The following ZNF665 variants were observed in gnomAD, a reference collection of about 807,000 sequenced individuals.
ZNF665 encodes zinc finger protein 665.
A neutral mutation model predicts 7.9 loss-of-function variants in ZNF665; 6 were observed. The ratio of observed to expected loss-of-function variants is 0.76; its 90% CI spans 0.42 to 1.50. ZNF665 has a LOEUF of 1.50. Among genes scored for constraint, ZNF665 ranks in the 40% most tolerant of loss-of-function variants. The probability of loss-of-function intolerance (pLI) is 0.01; values close to 1 mark genes in which losing one functional copy is unlikely to be tolerated. For synonymous variants in ZNF665, 242 were observed against 274.5 expected, an observed-to-expected ratio of 0.88 and a Z score of 1.17; for missense variants, 819 against 806.7, an observed-to-expected ratio of 1.02 and a Z score of -0.18.
chr19:53,174,832 G>A (rs578102519), intron 3 of ZNF665, among the ~76,000 whole-genome samples: 7 of 151,932 alleles, frequency 4.6e-5, no homozygotes, highest in South Asian at 2.1e-4. Flanking sequence ...CCAGCTACTC[G>A]GGAGGCTGAG....
intron 1 of ZNF665, among the ~76,000 whole-genome samples, chr19:53,193,064 A>AGCAGGAAACGGC (rs1451488454): frequency 6.6e-6 from 1 of 152,138 alleles, no homozygotes; most frequent in Non-Finnish European, 1.5e-5. Flanking sequence ...AAGGGTTTTA[A>AGCAGGAAACGGC]GCAGGAAACG....
At chr19:53,185,245 ACGCTACCGCTAGACCACGGTC>A (rs1323982832) in intron 1 of ZNF665, among the ~76,000 whole-genome samples, 5 of 151,932 alleles carry the variant, frequency 3.3e-5, no homozygotes, top group Admixed American at 6.5e-5. Context: ...CTTGCCACTT[ACGCTACCGCTAGACCACGGTC>A]CGCTTGGCAA....
At chr19:53,176,923 G>A (rs1365118615) in intron 2 of ZNF665, among the ~76,000 whole-genome samples, 1 of 151,524 alleles carries the variant, frequency 6.6e-6, no homozygotes, top group Admixed American at 6.6e-5. Flanking sequence ...AGTTCGAGAC[G>A]AGCCTGGCCA....
intron 1 of ZNF665, among the ~76,000 whole-genome samples, chr19:53,191,558 T>C (rs1479807915): frequency 6.6e-6 from 1 of 152,194 alleles, no homozygotes; most frequent in Non-Finnish European, 1.5e-5. Context: ...GTTAGATTAT[T>C]AGGGGCTGGG....
chr19:53,167,203 G>A (rs2090621728), intron 3 of ZNF665, among the ~76,000 whole-genome samples: 3 of 151,932 alleles, frequency 2.0e-5, no homozygotes, highest in South Asian at 2.1e-4. Flanking sequence ...GTTTCTCCAT[G>A]TTGGTCAGGC....
chr19:53,186,789 GCGCCCC>G (rs1281975588), intron 1 of ZNF665, among the ~76,000 whole-genome samples: 10 of 10,326 alleles, frequency 9.7e-4, no homozygotes, highest in African/African-American at 1.7e-3. Flanking sequence ...CCGGGCAGAG[GCGCCCC>G]TCACCTCCCG....
At chr19:53,180,979 ATACT>A (rs2090733864) in intron 2 of ZNF665, 1 of 152,194 alleles carries the variant, frequency 6.6e-6, no homozygotes, top group Non-Finnish European at 1.5e-5. Flanking sequence ...TATTGCAACA[ATACT>A]TACTCAAAGA....
rs188897253 is a variant in ZNF665, at chr19:53,179,156, G to A, written c.16-3585C>T. Reference sequence around the variant, plus strand: ...TGGGAGGCCGAGGCGGGTGGATCACGAGGTCAGGAGATCGAGACCATCCTG... The same window carrying A: ...TGGGAGGCCGAGGCGGGTGGATCACAAGGTCAGGAGATCGAGACCATCCTG... On this transcript the variant is annotated intron_variant, in intron 2 of 3. Transcript: ENST00000396424. 4.0e-3 allele frequency among the ~76,000 whole-genome samples: 605 copies of A among 152,054 alleles called. 3 individuals are homozygous for A. Among genetic ancestry groups the A allele is most frequent in the African/African-American group, 0.013 (545 of 41,494 alleles).
intron 1 of ZNF665, among the ~76,000 whole-genome samples, 171 bp from the exon 2 acceptor site, chr19:53,183,114 G>T (rs1200870418): frequency 6.6e-6 from 1 of 152,104 alleles, no homozygotes; most frequent in African/African-American, 2.4e-5. Context: ...AAAGATGCAG[G>T]GATGAGAAAC....
At chr19:53,185,786 G>T (rs939299309) in intron 1 of ZNF665, among the ~76,000 whole-genome samples, 2 of 151,888 alleles carry the variant, frequency 1.3e-5, no homozygotes, top group Non-Finnish European at 2.9e-5. Flanking sequence ...TTAATGGTAT[G>T]TCCTTAAAGC....
chr19:53,164,949 T>C lies in ZNF665; in HGVS notation c.1541A>G (p.Tyr514Cys). ...GGCTTTGCCACACTCATTACACTTG[T>C]AAGGTTTTTCTCCAGTATGAACTCT... ...HWRVHTGEKPYKCNECGKAFS... is the reference protein window; with the variant it reads ...HWRVHTGEKPCKCNECGKAFS... Residue 514 changes from tyrosine (Y) to cysteine (C), a missense_variant, in exon 4 of 4, where the codon TAC becomes TGC. Physicochemically the swap from Tyr to Cys is radical, Grantham distance 194. Transcript: ENST00000396424. 6.2e-7 allele frequency: 1 copy of C among 1,614,188 alleles called. No homozygotes were observed. The highest frequency in any genetic ancestry group is 8.5e-7 in the Non-Finnish European group (1 of 1,180,036).
At chr19:53,180,397 C>T (rs937753847) in intron 2 of ZNF665, among the ~76,000 whole-genome samples, 2 of 151,622 alleles carry the variant, frequency 1.3e-5, no homozygotes, top group Non-Finnish European at 2.9e-5. Context: ...TGCGCCCCTT[C>T]ACTCCAGCCT....
rs751401382 is a variant in ZNF665 at position 53,165,951 on chromosome 19, C to T, written c.539G>A (p.Cys180Tyr). The change falls in exon 4 of 4, where the codon TGT becomes TAT. Residue 180 changes from cysteine to tyrosine, a missense_variant. Physicochemically the swap from Cys to Tyr is radical, Grantham distance 194 (BLOSUM62 -2). Coordinates refer to ENST00000396424, the MANE Select transcript of ZNF665 (RefSeq NM_024733.5). The stretch of plus-strand genomic sequence containing the variant: ...ACTGAAGACCTTGCCACATTCATCA[C>T]ATTTATAATGTTTTCCTCGATTATT... ...SPNNRGKHYK[C>Y]DECGKVFSQN... The T allele has an allele frequency of 2.4e-5, 39 of 1,613,884 alleles. No individual in the cohort carries two copies. The African/African-American group carries it at 4.3e-4, about 18-fold the overall frequency.
In ZNF665 at chr19:53,192,983, G is replaced by A. The variant is rs77581353; in HGVS notation, c.-46+329C>T. Among the ~76,000 whole-genome samples, 1,279 of 152,234 alleles carry A rather than the reference G, an allele frequency of 8.4e-3. 18 individuals are homozygous for A. Among genetic ancestry groups the A allele is most frequent in the Non-Finnish European group, 7.6e-3 (520 of 68,014 alleles). On this transcript the variant is annotated intron_variant, in intron 1 of 3. Coordinates refer to ENST00000396424, the MANE Select transcript of ZNF665 (RefSeq NM_024733.5). ...CGCTAACGCTCCAGTAGCTGACTAG[G>A]GCGAGGTTAGGGGACGGTAAAATCC... is the stretch of plus-strand genomic sequence containing the variant.
At chr19:53,170,830 T>G (rs921445527) in intron 3 of ZNF665, among the ~76,000 whole-genome samples, 1 of 152,176 alleles carries the variant, frequency 6.6e-6, no homozygotes, top group Non-Finnish European at 1.5e-5. Context: ...CTCCACTCAG[T>G]TGAAAATCTG....
chr19:53,169,107 A>C (rs1428472283), intron 3 of ZNF665, among the ~76,000 whole-genome samples: 1 of 152,150 alleles, frequency 6.6e-6, no homozygotes. Flanking sequence ...TTATAAAGAC[A>C]CACTGTTAAA....
intron 3 of ZNF665, among the ~76,000 whole-genome samples, chr19:53,170,930 A>G (rs1465900186): frequency 6.6e-6 from 1 of 152,174 alleles, no homozygotes; most frequent in Non-Finnish European, 1.5e-5. Context: ...GTCGATTAGA[A>G]TGTATCTTGT....
In ZNF665 at chr19:53,164,738, G is replaced by A; in HGVS notation, c.1752C>T (p.Asn584=). Residue 584 remains asparagine, a synonymous_variant, in exon 4 of 4, where the codon AAC becomes AAT. Coordinates refer to ENST00000396424, the MANE Select transcript of ZNF665 (RefSeq NM_024733.5). The part of the protein sequence containing the change: ...ECGKAFSVHS[N]LATHQVIHTG... ...TATGGATGACCTGATGGGTAGCTAG[G>A]TTTGAATGTACACTAAATGCTTTGC... is the stretch of plus-strand genomic sequence containing the variant. 1 of 1,614,134 alleles carries A rather than the reference G, an allele frequency of 6.2e-7. No homozygotes were observed. The highest frequency in any genetic ancestry group is 8.5e-7 in the Non-Finnish European group (1 of 1,180,038).
At chr19:53,184,018 G>A (rs567221100) in intron 1 of ZNF665, among the ~76,000 whole-genome samples, 1 of 152,312 alleles carries the variant, frequency 6.6e-6, no homozygotes, top group Non-Finnish European at 1.5e-5. Flanking sequence ...GGGAGGCAGA[G>A]GTGGGTGGAC....
Sources: allele counts gnomAD v4.1 joint callset (sites outside exome capture counted in the v4.1 genomes callset), GRCh38; gene constraint gnomAD v4.1.1; transcripts MANE v1.5; gene names NCBI Gene and HGNC (gene_info 2026-07-23, HGNC 2026-07-21).